The following AKR1D1 variants were observed in gnomAD, a reference collection of about 807,000 sequenced individuals.
AKR1D1 encodes the protein delta(4)-3-ketosteroid 5-beta-reductase.
Under a neutral mutation model 42.6 loss-of-function variants are expected in AKR1D1, and 32 were observed. That is an observed-to-expected ratio of 0.75 (90% CI 0.57 to 1.01). AKR1D1 has a LOEUF of 1.01. AKR1D1 is among the 50% of genes least tolerant of loss of function. The probability of loss-of-function intolerance (pLI) is 0.00; values close to 1 mark genes in which losing one functional copy is unlikely to be tolerated. For synonymous variants in AKR1D1, 123 were observed against 135.5 expected (o/e 0.91, Z 0.64); for missense variants, 364 against 402.2 (o/e 0.91, Z 0.81).
At chr7:138,082,451 C>G (rs545364594) in intron 1 of AKR1D1, among the ~76,000 whole-genome samples, 2 of 152,062 alleles carry the variant, frequency 1.3e-5, no homozygotes, top group East Asian at 1.9e-4. Context: ...CACTGAAGAT[C>G]TCACCTCCTG....
rs529343587 is a variant in AKR1D1, at chr7:138,114,476, A to G, written c.938+704A>G. Among the ~76,000 whole-genome samples, 6 of 152,192 alleles carry G rather than the reference A, an allele frequency of 3.9e-5. No homozygotes were observed. In the South Asian group the frequency reaches 1.0e-3, roughly 26 times the overall value. On this transcript the variant is annotated intron_variant, in intron 8 of 8. Coordinates refer to ENST00000242375, the MANE Select transcript of AKR1D1 (RefSeq NM_005989.4). ...GGAGTTAGAGATCAGCCTGGCCAAC[A>G]TGGAGAAACCCCGTCTCTACTAAAA...
intron 4 of AKR1D1, among the ~76,000 whole-genome samples, chr7:138,101,013 A>C (rs1283036310): frequency 2.6e-5 from 4 of 151,984 alleles, no homozygotes; most frequent in African/African-American, 9.7e-5. Flanking sequence ...CTATAGTCAG[A>C]GATTCTATTA....
intron 1 of AKR1D1, among the ~76,000 whole-genome samples, chr7:138,084,644 A>C (rs1803130597): frequency 6.6e-6 from 1 of 152,076 alleles, no homozygotes; most frequent in Non-Finnish European, 1.5e-5. Context: ...TATATTTTAG[A>C]TTCTCCTATC....
At chr7:138,091,963 C>G (rs551027666) in intron 3 of AKR1D1, 79 bp downstream of exon 3, 1 of 797,684 alleles carries the variant, frequency 1.3e-6, no homozygotes, top group Admixed American at 1.7e-5. Flanking sequence ...AAGCTCTGCA[C>G]CATGAGCCAA....
chr7:138,106,607 G>T lies in AKR1D1; in HGVS notation c.580-1G>T. ...CTCTGCTCTCCAATGCAACCACATAGGTTGAGTGCCATCCGTATTTCACCC... is the reference window on the plus strand; with the variant it reads ...CTCTGCTCTCCAATGCAACCACATATGTTGAGTGCCATCCGTATTTCACCC... On this transcript the variant is annotated splice_acceptor_variant, in intron 5 of 8. Coordinates refer to ENST00000242375, the MANE Select transcript of AKR1D1 (RefSeq NM_005989.4). LOFTEE classifies it high-confidence loss of function. 6.2e-7 allele frequency: 1 copy of T among 1,613,544 alleles called. No individual in the cohort carries two copies. The highest frequency in any genetic ancestry group is 8.5e-7 in the Non-Finnish European group (1 of 1,179,472).
At chr7:138,113,874 A>ATGCTTTGCCCT in intron 8 of AKR1D1, 102 bp downstream of exon 8, 3 of 1,034,278 alleles carry the variant, frequency 2.9e-6, no homozygotes, top group Non-Finnish European at 4.5e-6. Flanking sequence ...CCATAGCACC[A>ATGCTTTGCCCT]GGGCAAAGCA....
intron 3 of AKR1D1, among the ~76,000 whole-genome samples, chr7:138,093,293 T>G (rs1431910436): frequency 1.3e-5 from 2 of 152,148 alleles, no homozygotes; most frequent in African/African-American, 4.8e-5. Flanking sequence ...GGTCTCGATC[T>G]CCTGACCTCA....
At chr7:138,096,568 T>A (rs1284521655) in intron 3 of AKR1D1, among the ~76,000 whole-genome samples, 1 of 152,214 alleles carries the variant, frequency 6.6e-6, no homozygotes, top group Non-Finnish European at 1.5e-5. Context: ...GGGACACATT[T>A]AAACCACAGC....
At chr7:138,099,191 A>C (rs1747725433) in intron 4 of AKR1D1, among the ~76,000 whole-genome samples, 1 of 152,202 alleles carries the variant, frequency 6.6e-6, no homozygotes, top group Non-Finnish European at 1.5e-5. Context: ...AAGAACACGC[A>C]GTCACTCCCG....
chr7:138,095,683 G>A (rs1013243333), intron 3 of AKR1D1, among the ~76,000 whole-genome samples: 1 of 152,020 alleles, frequency 6.6e-6, no homozygotes, highest in Non-Finnish European at 1.5e-5. Context: ...CCGCCATCAT[G>A]CCCGGCTAAT....
chr7:138,111,237 A>G (rs1449932081), intron 7 of AKR1D1, among the ~76,000 whole-genome samples: 3 of 152,140 alleles, frequency 2.0e-5, no homozygotes, highest in Non-Finnish European at 4.4e-5. Flanking sequence ...GTAACCTCCT[A>G]TCTTAAAAAA....
chr7:138,101,173 C>T (rs1485150784), intron 4 of AKR1D1, among the ~76,000 whole-genome samples: 2 of 41,842 alleles, frequency 4.8e-5, no homozygotes, highest in Non-Finnish European at 9.2e-5. Flanking sequence ...CCCTCCCTCC[C>T]TCCCTCCCTC....
chr7:138,091,948 G>A (rs1187186402), intron 3 of AKR1D1, 64 bp downstream of exon 3: 4 of 920,558 alleles, frequency 4.3e-6, no homozygotes, highest in Middle Eastern at 6.2e-4. Context: ...ATAGCTATGT[G>A]CATGAAGCTC....
intron 7 of AKR1D1, among the ~76,000 whole-genome samples, chr7:138,112,856 G>A (rs912110805): frequency 3.3e-5 from 5 of 150,914 alleles, no homozygotes; most frequent in African/African-American, 7.3e-5. Context: ...GTTAATAAGG[G>A]ACAATCATAA....
chr7:138,088,215 G>A (rs1162859600), intron 1 of AKR1D1, among the ~76,000 whole-genome samples: 1 of 152,058 alleles, frequency 6.6e-6, no homozygotes, highest in Non-Finnish European at 1.5e-5. Flanking sequence ...TTATTACTGA[G>A]GAGTATTCCA....
intron 7 of AKR1D1, among the ~76,000 whole-genome samples, chr7:138,108,641 G>A (rs1794478812): frequency 6.6e-6 from 1 of 152,150 alleles, no homozygotes; most frequent in Admixed American, 6.5e-5. Flanking sequence ...GTTACCGGAG[G>A]CTGAGATTAT....
At chr7:138,096,668 A>T (rs975044345) in intron 3 of AKR1D1, among the ~76,000 whole-genome samples, 1 of 152,182 alleles carries the variant, frequency 6.6e-6, no homozygotes, top group Non-Finnish European at 1.5e-5. Context: ...CTATTATTTG[A>T]TCTCTTTCAA....
intron 7 of AKR1D1, among the ~76,000 whole-genome samples, chr7:138,113,020 A>G (rs1461550801): frequency 6.6e-6 from 1 of 152,182 alleles, no homozygotes; most frequent in Admixed American, 6.5e-5. Context: ...AGTTTTTTTA[A>G]AAAGCAAATT....
chr7:138,092,712 C>T (rs1225700114), intron 3 of AKR1D1, among the ~76,000 whole-genome samples: 2 of 152,102 alleles, frequency 1.3e-5, no homozygotes, highest in Non-Finnish European at 1.5e-5. Flanking sequence ...ACGATGGTAA[C>T]ACAATGGTAA....
Sources: gnomAD v4.1 joint callset for allele counts (sites outside exome capture counted in the v4.1 genomes callset) on GRCh38, gnomAD v4.1.1 for gene constraint, MANE v1.5 for transcripts, NCBI Gene and HGNC (gene_info 2026-07-23, HGNC 2026-07-21) for gene names.